The following MACC1 variants were observed in gnomAD, a reference collection of about 807,000 sequenced individuals.
The protein encoded by MACC1 is metastasis-associated in colon cancer protein 1.
In MACC1, 79 loss-of-function variants were observed where a neutral mutation model predicts 70.7. That is an observed-to-expected ratio of 1.12 (90% confidence interval 0.93 to 1.35). The LOEUF (loss-of-function observed/expected upper bound fraction) is 1.35, where lower values mean the gene tolerates loss of function less well. Ranked by LOEUF, MACC1 falls within the 40% of genes most tolerant of loss-of-function variation. The probability of loss-of-function intolerance (pLI) is 0.00; values close to 1 mark genes in which losing one functional copy is unlikely to be tolerated. For synonymous variants in MACC1, 361 were observed against 347.2 expected, an observed-to-expected ratio of 1.04 and a Z score of -0.44; for missense variants, 1,106 against 978.1, an observed-to-expected ratio of 1.13 and a Z score of -1.74.
chr7:20,153,837 T>C (rs1782015897), intron 6 of MACC1, among the ~76,000 whole-genome samples: 1 of 152,194 alleles, frequency 6.6e-6, no homozygotes. Context: ...TGTCTTCCTC[T>C]ATTGTCCTGA....
chr7:20,190,725 C>T (rs188238367), intron 1 of MACC1, among the ~76,000 whole-genome samples: 114 of 152,224 alleles, frequency 7.5e-4, no homozygotes, highest in Non-Finnish European at 1.3e-3. Flanking sequence ...TAATAACAGC[C>T]CACTTTTTCA....
intron 1 of MACC1, among the ~76,000 whole-genome samples, chr7:20,177,481 A>T (rs3094996): frequency 0.48 from 73,659 of 151,878 alleles, 19,599 homozygotes; most frequent in East Asian, 0.86. Context: ...TTGCTGTTAA[A>T]CCATATAAGT....
At chr7:20,187,102 G>T (rs1245101030) in intron 1 of MACC1, among the ~76,000 whole-genome samples, 1 of 152,132 alleles carries the variant, frequency 6.6e-6, no homozygotes, top group African/African-American at 2.4e-5. Context: ...AAGTGAAGAA[G>T]CACCTGCATT....
At chr7:20,179,688 T>G (rs200300094) in intron 1 of MACC1, among the ~76,000 whole-genome samples, 1 of 150,544 alleles carries the variant, frequency 6.6e-6, no homozygotes, top group Non-Finnish European at 1.5e-5. Context: ...GTTTTTTTTG[T>G]TTTTTGTTTT....
chr7:20,203,210 AG>A (rs1267265140), intron 1 of MACC1, among the ~76,000 whole-genome samples: 5 of 152,156 alleles, frequency 3.3e-5, no homozygotes, highest in African/African-American at 1.2e-4. Flanking sequence ...CCAATCTCCT[AG>A]GGCAAGACTG....
chr7:20,140,869 A>G lies in MACC1; in HGVS notation c.*77T>C. 1 of 1,011,810 alleles carries G rather than the reference A, an allele frequency of 9.9e-7. No individual in the cohort carries two copies. Among genetic ancestry groups the G allele is most frequent in the Non-Finnish European group, 1.4e-6 (1 of 695,288 alleles). 62.7% of individuals were successfully genotyped at this position (1,011,810 alleles called of 1,614,324 possible). ...CACACACACAGACACACAGAGACAC[A>G]CACAGACACACACAGACACACACAC... On this transcript the variant is annotated 3_prime_UTR_variant, in exon 7 of 7. Coordinates refer to ENST00000400331, the MANE Select transcript of MACC1 (RefSeq NM_182762.4).
chr7:20,173,921 GT>G (rs1335958251), intron 1 of MACC1, among the ~76,000 whole-genome samples: 1 of 152,166 alleles, frequency 6.6e-6, no homozygotes, highest in African/African-American at 2.4e-5. Context: ...TGTTCATAAC[GT>G]GGACAACTGC....
At chr7:20,195,475 A>AG (rs772254828) in intron 1 of MACC1, among the ~76,000 whole-genome samples, 8 of 152,240 alleles carry the variant, frequency 5.3e-5, no homozygotes, top group Admixed American at 2.0e-4. Context: ...AACAGTCTAT[A>AG]GGAGGAGCTG....
rs2108292 is a variant in MACC1, at chr7:20,159,188, A to G, written c.1173T>C (p.Cys391=). ...GCTGTCCTGGCATATAATTGTGTCC[A>G]CAAACTGTTAAAACAACAGTAAAAC... ...HPSFTVVLTV[C]GHNYMPGQLT... The change falls in exon 5 of 7, where the codon TGT becomes TGC. Residue 391 remains cysteine (C), a synonymous_variant. Transcript: ENST00000400331. The G allele has an allele frequency of 1.2e-6, 2 of 1,614,080 alleles. No homozygotes were observed. The highest frequency in any genetic ancestry group is 1.7e-6 in the Non-Finnish European group (2 of 1,180,014).
At chr7:20,177,637 C>T (rs970291381) in intron 1 of MACC1, among the ~76,000 whole-genome samples, 2 of 123,550 alleles carry the variant, frequency 1.6e-5, no homozygotes, top group Non-Finnish European at 1.6e-5. Flanking sequence ...TTGTGCTTTA[C>T]CATTTTAACG....
Position 20,158,240 on chromosome 7 carries a change from C to T in MACC1, c.2121G>A (p.Glu707=). Residue 707 remains glutamate (E), a synonymous_variant, in exon 5 of 7, where the codon GAG becomes GAA. Coordinates refer to ENST00000400331, the MANE Select transcript of MACC1 (RefSeq NM_182762.4). ...IKKLKEDCHT[E]RNTRKFLYEL... The stretch of plus-strand genomic sequence containing the variant: ...CATACAGAAACTTCCTTGTATTTCT[C>T]TCTGTGTGGCAATCTTCCTTTAACT... The T allele has an allele frequency of 6.3e-7, 1 of 1,595,796 alleles. No homozygotes were observed.
intron 1 of MACC1, among the ~76,000 whole-genome samples, chr7:20,172,392 AT>A (rs1199717686): frequency 1.3e-5 from 2 of 152,216 alleles, no homozygotes; most frequent in African/African-American, 4.8e-5. Context: ...AATGTAAAAT[AT>A]TCAATGTAAA....
intron 5 of MACC1, among the ~76,000 whole-genome samples, chr7:20,155,733 G>T (rs184562084): frequency 2.4e-3 from 362 of 152,310 alleles, no homozygotes; most frequent in South Asian, 8.7e-3. Context: ...ACTACCCATG[G>T]TTTTGATACA....
At chr7:20,143,472 T>A (rs1161851416) in intron 6 of MACC1, among the ~76,000 whole-genome samples, 6 of 152,168 alleles carry the variant, frequency 3.9e-5, no homozygotes, top group African/African-American at 1.4e-4. Flanking sequence ...CACTGCAACC[T>A]CCCACTCCCT....
chr7:20,167,805 A>G (rs1476897612), intron 2 of MACC1, among the ~76,000 whole-genome samples: 2 of 152,144 alleles, frequency 1.3e-5, no homozygotes, highest in Non-Finnish European at 2.9e-5. Flanking sequence ...GCAATAACAC[A>G]GAGCCCCACT....
At chr7:20,161,388 A>C (rs1287234064) in intron 4 of MACC1, among the ~76,000 whole-genome samples, 1 of 152,034 alleles carries the variant, frequency 6.6e-6, no homozygotes, top group Non-Finnish European at 1.5e-5. Flanking sequence ...CTTTAATACA[A>C]TTACCCCTAA....
At chr7:20,147,048 A>G (rs992191981) in intron 6 of MACC1, among the ~76,000 whole-genome samples, 4 of 152,180 alleles carry the variant, frequency 2.6e-5, no homozygotes, top group African/African-American at 9.7e-5. Flanking sequence ...TCCAAAGTTC[A>G]AGCTTTTGTG....
intron 6 of MACC1, 53 bp downstream of exon 6, chr7:20,154,140 T>C (rs1208865772): frequency 1.3e-6 from 2 of 1,584,010 alleles, no homozygotes; most frequent in Non-Finnish European, 1.7e-6. Context: ...ATTACATTAG[T>C]GTTACTTGGT....
At chr7:20,215,707 T>C (rs935908481) in intron 1 of MACC1, among the ~76,000 whole-genome samples, 1 of 152,232 alleles carries the variant, frequency 6.6e-6, no homozygotes, top group Non-Finnish European at 1.5e-5. Context: ...GAAAGAATTC[T>C]CTAAAAATTC....
Sources: gnomAD v4.1 joint callset for allele counts (sites outside exome capture counted in the v4.1 genomes callset) on GRCh38, gnomAD v4.1.1 for gene constraint, MANE v1.5 for transcripts, NCBI Gene and HGNC (gene_info 2026-07-23, HGNC 2026-07-21) for gene names.